C11orf65: variants seen among roughly 807,000 people sequenced by gnomAD.
C11orf65 encodes chromosome 11 open reading frame 65.
In C11orf65, 38 loss-of-function variants were observed where a neutral mutation model predicts 35.3. The ratio of observed to expected loss-of-function variants is 1.08; its 90% CI spans 0.83 to 1.41. C11orf65 has a LOEUF of 1.41. Ranked by LOEUF, C11orf65 falls within the 40% of genes most tolerant of loss-of-function variation. C11orf65 has a pLI of 0.00. For synonymous variants in C11orf65, 105 were observed against 114.4 expected (o/e 0.92, Z 0.53); for missense variants, 370 against 367.1 (o/e 1.01, Z -0.06).
In C11orf65 at chr11:108,409,494, C is replaced by T. The variant is rs1448249560; in HGVS notation, c.175-2345G>A. Among the ~76,000 whole-genome samples the T allele has an allele frequency of 2.0e-5, 3 of 152,166 alleles. 1 individual carries two copies. The South Asian group carries it at 6.2e-4, about 32-fold the overall frequency. Reference sequence around the variant, plus strand: ...TGATATGCATTCAGTAGAAATCATACTTCACATTTTGAATTTTGATCTTTT... The same window carrying T: ...TGATATGCATTCAGTAGAAATCATATTTCACATTTTGAATTTTGATCTTTT... On this transcript the variant is annotated intron_variant, in intron 3 of 8. Coordinates refer to ENST00000393084, the MANE Select transcript of C11orf65 (RefSeq NM_152587.5).
intron 2 of C11orf65, 117 bp from the exon 3 acceptor site, chr11:108,431,955 C>T (rs1250791253): frequency 6.1e-6 from 3 of 495,516 alleles, no homozygotes; most frequent in Non-Finnish European, 1.1e-5. Context: ...TTTATGTATC[C>T]ACACTAGATT....
rs143747146 is a variant in C11orf65 at position 108,440,029 on chromosome 11, C to T, written c.82-8191G>A. ...CTGTTTAAAACAAGAATAATAATGT[C>T]TCCTGGTACTTAAAACAAAAGTGTA... On this transcript the variant is annotated intron_variant, in intron 2 of 8. Coordinates refer to ENST00000393084, the MANE Select transcript of C11orf65 (RefSeq NM_152587.5). Among the ~76,000 whole-genome samples the T allele has an allele frequency of 3.8e-3, 583 of 152,218 alleles. 5 individuals carry two copies. Among genetic ancestry groups the T allele is most frequent in the Non-Finnish European group, 6.6e-3 (448 of 68,012 alleles).
Position 108,370,612 on chromosome 11 carries a change from G to GTT in C11orf65, c.226+22594_226+22595dup, listed in dbSNP as rs199864432. Among the ~76,000 whole-genome samples, 741 of 147,322 alleles carry GTT rather than the reference G, an allele frequency of 5.0e-3. 5 individuals are homozygous for GTT. Among genetic ancestry groups the GTT allele is most frequent in the Non-Finnish European group, 8.1e-3 (538 of 66,612 alleles). On this transcript the variant is annotated intron_variant, in intron 2 of 3. Transcript: ENST00000524755. Reference sequence around the variant, plus strand: ...CTTTAAATTTACTGTTTGCTGCAGGGTTTTGTTTTGTTTTTTTTTAATGTG... The same window carrying GTT: ...CTTTAAATTTACTGTTTGCTGCAGGGTTTTTTGTTTTGTTTTTTTTTAATGTG...
Position 108,406,933 on chromosome 11 carries a change from T to C in C11orf65, c.259A>G (p.Ile87Val). The change falls in exon 5 of 9, where the codon ATT becomes GTT. Residue 87 changes from isoleucine to valine, a missense_variant. Coordinates refer to ENST00000393084, the MANE Select transcript of C11orf65 (RefSeq NM_152587.5). ...TCTTCAATAGGTCTGTGAGTAAAAA[T>C]CTTATAGTATATATCAGGTGGAAAT... ...VKFPPDIYYK[I>V]FTHRPIEDLC... 1 of 1,612,112 alleles carries C rather than the reference T, an allele frequency of 6.2e-7. No homozygotes were observed. The highest frequency in any genetic ancestry group is 1.1e-5 in the South Asian group (1 of 90,986).
At chr11:108,438,878 C>T (rs570786699) in intron 2 of C11orf65, among the ~76,000 whole-genome samples, 8 of 151,816 alleles carry the variant, frequency 5.3e-5, no homozygotes, top group Admixed American at 2.0e-4. Context: ...TGGTGGTGGT[C>T]GCCTGTAGTC....
chr11:108,374,190 T>G (rs573633003), intron 2 of C11orf65, among the ~76,000 whole-genome samples: 13 of 114,226 alleles, frequency 1.1e-4, no homozygotes, highest in African/African-American at 3.0e-4. Context: ...CCTCCTCAAG[T>G]AGGTCCCTGA....
downstream of C11orf65, chr11:108,331,268 C>T: frequency 2.2e-6 from 3 of 1,356,732 alleles, no homozygotes; most frequent in Non-Finnish European, 2.8e-6. Context: ...TCTAGAGTAC[C>T]CATTAGAAAG....
chr11:108,428,360 A>T (rs1239024282), intron 3 of C11orf65, among the ~76,000 whole-genome samples: 1 of 152,224 alleles, frequency 6.6e-6, no homozygotes, highest in Non-Finnish European at 1.5e-5. Context: ...ACACATGCAC[A>T]CGTATGTTTA....
intron 2 of C11orf65, among the ~76,000 whole-genome samples, chr11:108,448,867 T>C (rs998704339): frequency 2.0e-5 from 3 of 152,196 alleles, no homozygotes; most frequent in African/African-American, 7.2e-5. Flanking sequence ...GACGACATGA[T>C]TGTATATCTA....
At chr11:108,341,583 C>A (rs1310040206) in intron 2 of C11orf65, among the ~76,000 whole-genome samples, 1 of 152,010 alleles carries the variant, frequency 6.6e-6, no homozygotes, top group African/African-American at 2.4e-5. Flanking sequence ...AACAGTTCAA[C>A]ATATGTGAGA....
rs756453090 is a variant in C11orf65, at chr11:108,321,310, A to G, written c.641-12239T>C. On this transcript the variant is annotated intron_variant, in intron 6 of 6. Coordinates refer to the C11orf65 transcript ENST00000525729. ...TCTTTTTTGCTACTAGAGTAAAAGA[A>G]GTGGAAGAGATGTGTAAGCGCAGCC... The G allele has an allele frequency of 6.2e-7, 1 of 1,614,160 alleles. No homozygotes were observed. Among genetic ancestry groups the G allele is most frequent in the African/African-American group, 1.3e-5 (1 of 75,056 alleles).
chr11:108,335,285 T>G (rs1306041975), exon 3 of C11orf65: 16 of 1,516,974 alleles, frequency 1.1e-5, no homozygotes, highest in African/African-American at 1.4e-5. Context: ...TCCATTTTTT[T>G]TGTGTCTCTG....
intron 2 of C11orf65, among the ~76,000 whole-genome samples, chr11:108,445,114 A>G (rs1431964233): frequency 6.6e-6 from 1 of 152,176 alleles, no homozygotes; most frequent in African/African-American, 2.4e-5. Flanking sequence ...GGGAAGCTCC[A>G]ACTGGATGGA....
In C11orf65 at chr11:108,325,249, G is replaced by GTTTTTTTTTTT; in HGVS notation, c.641-16189_641-16179dup. On this transcript the variant is annotated intron_variant, in intron 6 of 6. Coordinates refer to the C11orf65 transcript ENST00000525729. ...TATCGTAAGTTCCAGAACTTACATA[G>GTTTTTTTTTTT]TTTTTTTTTTTTTTTTTTTCATTTC... 7.1e-6 allele frequency: 4 copies of GTTTTTTTTTTT among 565,840 alleles called. 1 individual carries two copies. The African/African-American group carries it at 7.2e-5, about 10-fold the overall frequency. 35.1% of individuals were successfully genotyped at this position (565,840 alleles called of 1,614,324 possible). A position where few individuals can be genotyped will look rare whatever the true frequency, so the allele number is the denominator to read the frequency against.
chr11:108,357,864 T>G (rs971625507), intron 2 of C11orf65, among the ~76,000 whole-genome samples: 2 of 151,080 alleles, frequency 1.3e-5, no homozygotes, highest in Admixed American at 6.6e-5. Context: ...ACAGAAAAAC[T>G]GGAAACTCTA....
At chr11:108,420,674 TTCATGATTTAGAGC>T (rs2092802752) in intron 3 of C11orf65, among the ~76,000 whole-genome samples, 1 of 152,196 alleles carries the variant, frequency 6.6e-6, no homozygotes, top group African/African-American at 2.4e-5. Flanking sequence ...CCCACAAATG[TTCATGATTTAGAGC>T]TCTCAGTATT....
chr11:108,432,299 C>G, intron 2 of C11orf65, among the ~76,000 whole-genome samples: 1 of 152,190 alleles, frequency 6.6e-6, no homozygotes, highest in South Asian at 2.1e-4. Flanking sequence ...CCATCTCATA[C>G]AGCTTTGGTG....
downstream of C11orf65, among the ~76,000 whole-genome samples, chr11:108,379,269 C>G (rs1280573253): frequency 6.6e-6 from 1 of 152,084 alleles, no homozygotes; most frequent in Non-Finnish European, 1.5e-5. Flanking sequence ...AAATGTGGCA[C>G]ATATATACCA....
At chr11:108,443,215 A>T (rs1446571358) in intron 2 of C11orf65, among the ~76,000 whole-genome samples, 10 of 152,234 alleles carry the variant, frequency 6.6e-5, no homozygotes, top group Admixed American at 5.9e-4. Context: ...ACAAAGATCA[A>T]AAGAGACAAA....
Sources: gnomAD v4.1 joint callset for allele counts (sites outside exome capture counted in the v4.1 genomes callset) on GRCh38, gnomAD v4.1.1 for gene constraint, MANE v1.5 for transcripts, NCBI Gene and HGNC (gene_info 2026-07-23, HGNC 2026-07-21) for gene names.